Variants in SORCS2 observed in about 807,000 individuals in gnomAD.
SORCS2 encodes VPS10 domain-containing receptor SorCS2.
SORCS2 carries 100 observed loss-of-function variants against 141.6 expected under a neutral mutation model. The observed-to-expected ratio is 0.71, with a 90% confidence interval of 0.60 to 0.83. SORCS2 has a LOEUF of 0.83. Among genes scored for constraint, SORCS2 ranks in the 40% least tolerant of loss-of-function variants. SORCS2 has a pLI of 0.00. For synonymous variants in SORCS2, 789 were observed against 676.9 expected (o/e 1.17, Z -2.57); for missense variants, 1,646 against 1,560.2 (o/e 1.05, Z -0.93).
intron 1 of SORCS2, among the ~76,000 whole-genome samples, chr4:7,244,834 A>G (rs919594115): frequency 2.6e-5 from 4 of 152,210 alleles, no homozygotes; most frequent in African/African-American, 9.6e-5. Context: ...TCTGCTCAAG[A>G]GCAGGGTTTT....
intron 2 of SORCS2, chr4:7,434,721 T>C (rs1727172981): frequency 1.5e-5 from 25 of 1,613,108 alleles, no homozygotes; most frequent in Non-Finnish European, 2.0e-5. Flanking sequence ...GTTTGTTCCA[T>C]ACGGCCCCTT....
At chr4:7,494,828 G>A (rs4689129) in intron 2 of SORCS2, among the ~76,000 whole-genome samples, 142,508 of 152,290 alleles carry the variant, frequency 0.94, 67,076 homozygotes, top group East Asian at 1. Flanking sequence ...CCTGACTTCT[G>A]CAGCAAGGAG....
At chr4:7,261,514 C>T (rs1469316132) in intron 1 of SORCS2, among the ~76,000 whole-genome samples, 3 of 152,238 alleles carry the variant, frequency 2.0e-5, no homozygotes, top group Admixed American at 6.5e-5. Context: ...TCCTTTCTCT[C>T]CAGCCCAGAT....
intron 14 of SORCS2, among the ~76,000 whole-genome samples, chr4:7,711,255 G>C (rs1426929496): frequency 6.6e-6 from 1 of 152,236 alleles, no homozygotes; most frequent in Non-Finnish European, 1.5e-5. Flanking sequence ...GCCTGGCTGA[G>C]AGGTGCCCCG....
chr4:7,731,975 G>A (rs2148895302), intron 23 of SORCS2, among the ~76,000 whole-genome samples: 1 of 152,294 alleles, frequency 6.6e-6, no homozygotes, highest in Non-Finnish European at 1.5e-5. Flanking sequence ...AGAGACCCTT[G>A]CACAGCCAGA....
chr4:7,255,399 T>A (rs2108811903), intron 1 of SORCS2, among the ~76,000 whole-genome samples: 1 of 152,050 alleles, frequency 6.6e-6, no homozygotes, highest in Non-Finnish European at 1.5e-5. Flanking sequence ...ATGGGCTCAG[T>A]GAAATAGAAC....
At chr4:7,335,720 TTCCAGGAGGTTGAAGC>T (rs1719940115) in intron 1 of SORCS2, among the ~76,000 whole-genome samples, 1 of 152,236 alleles carries the variant, frequency 6.6e-6, no homozygotes, top group East Asian at 1.9e-4. Flanking sequence ...CCATTTTACC[TTCCAGGAGGTTGAAGC>T]TCAAGGAGGT....
intron 3 of SORCS2, 97 bp from the exon 4 acceptor site, chr4:7,638,231 G>A: frequency 2.9e-6 from 4 of 1,387,926 alleles, no homozygotes; most frequent in South Asian, 1.4e-5. Flanking sequence ...CTGGTGTGAG[G>A]GAGAGAGGCG....
chr4:7,231,987 T>C (rs1009906810), intron 1 of SORCS2, among the ~76,000 whole-genome samples: 16 of 152,192 alleles, frequency 1.1e-4, no homozygotes, highest in Admixed American at 9.2e-4. Context: ...GCAGATGTCC[T>C]GGCCCATCCT....
chr4:7,652,068 A>G (rs1721481766), intron 4 of SORCS2, among the ~76,000 whole-genome samples: 1 of 152,194 alleles, frequency 6.6e-6, no homozygotes, highest in Non-Finnish European at 1.5e-5. Flanking sequence ...CATATGGAGA[A>G]TGGCACTATG....
chr4:7,718,224 C>A (rs997521670), intron 18 of SORCS2, 41 bp downstream of exon 18: 2 of 1,585,798 alleles, frequency 1.3e-6, no homozygotes, highest in African/African-American at 1.4e-5. Flanking sequence ...GACTGTCGGG[C>A]AGGGGCGGCT....
intron 2 of SORCS2, among the ~76,000 whole-genome samples, chr4:7,421,719 C>T (rs1726072586): frequency 6.6e-6 from 1 of 152,276 alleles, no homozygotes; most frequent in South Asian, 2.1e-4. Context: ...GGTCTGGAGC[C>T]CCCGCTGGCT....
At chr4:7,420,876 C>T (rs971607790) in intron 2 of SORCS2, among the ~76,000 whole-genome samples, 3 of 152,180 alleles carry the variant, frequency 2.0e-5, no homozygotes, top group African/African-American at 4.8e-5. Context: ...AGTAGGTTCT[C>T]GGCTTGGCGC....
chr4:7,621,175 GCCCGCCCAGCCCTGAGC>G (rs537958801), intron 3 of SORCS2, among the ~76,000 whole-genome samples: 1 of 152,306 alleles, frequency 6.6e-6, no homozygotes, highest in Non-Finnish European at 1.5e-5. Context: ...AGATGTGGCA[GCCCGCCCAGCCCTGAGC>G]CCCGCCCAGG....
intron 2 of SORCS2, among the ~76,000 whole-genome samples, chr4:7,517,597 A>G (rs1345985522): frequency 1.3e-5 from 2 of 152,192 alleles, no homozygotes; most frequent in East Asian, 1.9e-4. Flanking sequence ...AAATGTTATC[A>G]TTTTGTTCCA....
intron 2 of SORCS2, among the ~76,000 whole-genome samples, chr4:7,494,954 G>A (rs1315846935): frequency 2.0e-5 from 3 of 152,222 alleles, no homozygotes; most frequent in Non-Finnish European, 2.9e-5. Context: ...GGAGCTGCCC[G>A]GCTGGGGGCA....
At chr4:7,666,771 C>A (rs1176801497) in intron 7 of SORCS2, among the ~76,000 whole-genome samples, 1 of 152,104 alleles carries the variant, frequency 6.6e-6, no homozygotes, top group Non-Finnish European at 1.5e-5. Context: ...TGTCATGCCT[C>A]GAGGTTCAGT....
At chr4:7,521,783 G>A (rs1380212671) in intron 2 of SORCS2, among the ~76,000 whole-genome samples, 2 of 152,220 alleles carry the variant, frequency 1.3e-5, no homozygotes, top group Non-Finnish European at 2.9e-5. Context: ...AAGTGCAGGT[G>A]TGAATACATG....
chr4:7,391,780 C>T (rs1723880150), intron 1 of SORCS2, among the ~76,000 whole-genome samples: 1 of 152,176 alleles, frequency 6.6e-6, no homozygotes. Flanking sequence ...GTGATGGCAT[C>T]CTGAGTTCCT....
Sources: allele counts gnomAD v4.1 joint callset (sites outside exome capture counted in the v4.1 genomes callset), GRCh38; gene constraint gnomAD v4.1.1; transcripts MANE v1.5; gene names NCBI Gene and HGNC (gene_info 2026-07-23, HGNC 2026-07-21).